Variants in SAMD12 observed in about 807,000 individuals in gnomAD.
The protein encoded by SAMD12 is sterile alpha motif domain containing 12.
In SAMD12, 9 loss-of-function variants were observed where a neutral mutation model predicts 15.0. The observed-to-expected ratio is 0.60, with a 90% CI of 0.36 to 1.05. The LOEUF is 1.05. Among genes scored for constraint, SAMD12 ranks in the 50% least tolerant of loss-of-function variants. The pLI is 0.01. For synonymous variants in SAMD12, 86 were observed against 90.1 expected, an observed-to-expected ratio of 0.96 and a Z score of 0.25; for missense variants, 230 against 234.2, an observed-to-expected ratio of 0.98 and a Z score of 0.12.
chr8:118,606,643 A>G (rs1371951677), intron 1 of SAMD12, among the ~76,000 whole-genome samples: 1 of 152,162 alleles, frequency 6.6e-6, no homozygotes, highest in African/African-American at 2.4e-5. Flanking sequence ...ATGAGGCAGG[A>G]TTCATAAGGC....
intron 4 of SAMD12, among the ~76,000 whole-genome samples, chr8:118,309,018 TG>T (rs199921762): frequency 0.042 from 6,438 of 152,268 alleles, 171 homozygotes; most frequent in Middle Eastern, 0.071. Flanking sequence ...AATAGGTTTT[TG>T]GGGAACAGGT....
chr8:118,173,642 T>G, the SAMD12 span, among the ~76,000 whole-genome samples: 1 of 148,320 alleles, frequency 6.7e-6, no homozygotes, highest in African/African-American at 2.4e-5. Context: ...ACTTTTTTTT[T>G]TTTTTGAGAT....
chr8:118,568,390 T>G (rs1826908291), intron 2 of SAMD12, among the ~76,000 whole-genome samples: 1 of 152,180 alleles, frequency 6.6e-6, no homozygotes, highest in Non-Finnish European at 1.5e-5. Context: ...GCACAGATCA[T>G]GCAGGATCTG....
chr8:118,465,991 T>C (rs1823584849), intron 2 of SAMD12, among the ~76,000 whole-genome samples: 1 of 152,188 alleles, frequency 6.6e-6, no homozygotes, highest in Non-Finnish European at 1.5e-5. Flanking sequence ...ATTGATCACC[T>C]AGTGGTAACT....
At chr8:118,358,436 C>T (rs751224577) in intron 4 of SAMD12, among the ~76,000 whole-genome samples, 7 of 151,972 alleles carry the variant, frequency 4.6e-5, no homozygotes, top group Non-Finnish European at 7.4e-5. Context: ...TCTCACATGC[C>T]CTCTCACCAT....
chr8:118,609,922 C>T (rs1488495183), intron 1 of SAMD12, among the ~76,000 whole-genome samples: 1 of 152,184 alleles, frequency 6.6e-6, no homozygotes, highest in Non-Finnish European at 1.5e-5. Context: ...CATGTCCCAA[C>T]CTGTTTTGCC....
chr8:118,332,225 T>C (rs1281273436), intron 4 of SAMD12, among the ~76,000 whole-genome samples: 1 of 152,238 alleles, frequency 6.6e-6, no homozygotes, highest in Non-Finnish European at 1.5e-5. Context: ...TAACAGTCAT[T>C]TCTATGTTTA....
chr8:118,279,815 T>C (rs1181050541), intron 4 of SAMD12, among the ~76,000 whole-genome samples: 3 of 152,236 alleles, frequency 2.0e-5, no homozygotes, highest in Non-Finnish European at 4.4e-5. Context: ...GAGATTTCAA[T>C]GTTTCTTTTC....
intron 1 of SAMD12, among the ~76,000 whole-genome samples, chr8:118,590,119 GA>G (rs1322340170): frequency 6.6e-6 from 1 of 151,840 alleles, no homozygotes; most frequent in Admixed American, 6.6e-5. Context: ...TATGGGCACA[GA>G]AAAAAAATAA....
chr8:118,359,358 C>A (rs1422465159), intron 4 of SAMD12, among the ~76,000 whole-genome samples: 1 of 152,104 alleles, frequency 6.6e-6, no homozygotes, highest in Non-Finnish European at 1.5e-5. Context: ...TCCAGGACAG[C>A]AAGCAAATCA....
At chr8:118,320,816 T>TAA (rs200542019) in intron 4 of SAMD12, among the ~76,000 whole-genome samples, 183 of 146,728 alleles carry the variant, frequency 1.2e-3, no homozygotes, top group African/African-American at 4.2e-3. Flanking sequence ...TAAAGTATAA[T>TAA]AAAAATATAT....
At chr8:118,517,720 G>A (rs1188577950) in intron 2 of SAMD12, among the ~76,000 whole-genome samples, 2 of 152,172 alleles carry the variant, frequency 1.3e-5, no homozygotes, top group Non-Finnish European at 2.9e-5. Context: ...CTGGAGAGGT[G>A]GAGATTATTA....
intron 3 of SAMD12, among the ~76,000 whole-genome samples, chr8:118,389,647 G>A (rs1167521778): frequency 6.6e-6 from 1 of 151,990 alleles, no homozygotes; most frequent in African/African-American, 2.4e-5. Flanking sequence ...CCCGGGAGGA[G>A]GAGGTTATAG....
At chr8:118,278,202 C>T (rs1813516774) in intron 4 of SAMD12, among the ~76,000 whole-genome samples, 2 of 152,196 alleles carry the variant, frequency 1.3e-5, no homozygotes, top group Admixed American at 6.5e-5. Context: ...TCATAAAAAT[C>T]TCCTGACGTT....
intron 4 of SAMD12, among the ~76,000 whole-genome samples, chr8:118,325,609 A>C (rs1816529745): frequency 6.6e-6 from 1 of 152,126 alleles, no homozygotes; most frequent in Admixed American, 6.6e-5. Flanking sequence ...TCTCTCAGCA[A>C]ATTTCAAGTA....
At chr8:118,554,796 T>G (rs554474300) in intron 2 of SAMD12, among the ~76,000 whole-genome samples, 2 of 152,226 alleles carry the variant, frequency 1.3e-5, no homozygotes, top group South Asian at 4.1e-4. Context: ...CAAAGACAAG[T>G]TTCCCAAAGA....
At chr8:118,229,153 G>A (rs369604025) in intron 4 of SAMD12, among the ~76,000 whole-genome samples, 14 of 152,138 alleles carry the variant, frequency 9.2e-5, no homozygotes, top group Middle Eastern at 3.4e-3. Flanking sequence ...GGAGGGGGGC[G>A]AGGGATAAAA....
intron 4 of SAMD12, among the ~76,000 whole-genome samples, chr8:118,219,118 A>C (rs1812027767): frequency 6.6e-6 from 1 of 151,966 alleles, no homozygotes; most frequent in African/African-American, 2.4e-5. Context: ...AGCTCACCTC[A>C]CCTCACTCTT....
chr8:118,445,840 T>C (rs1384316005), intron 2 of SAMD12, among the ~76,000 whole-genome samples: 1 of 152,168 alleles, frequency 6.6e-6, no homozygotes, highest in Admixed American at 6.5e-5. Context: ...TTTCTGAACA[T>C]ATAGTGAGGC....
Sources: gnomAD v4.1 joint callset for allele counts (sites outside exome capture counted in the v4.1 genomes callset) on GRCh38, gnomAD v4.1.1 for gene constraint, MANE v1.5 for transcripts, NCBI Gene and HGNC (gene_info 2026-07-23, HGNC 2026-07-21) for gene names.